The following TCOF1 variants were observed in gnomAD, a reference collection of about 807,000 sequenced individuals.
The protein encoded by TCOF1 is treacle ribosome biogenesis factor 1, also known as treacle protein.
TCOF1 carries 33 observed loss-of-function variants against 149.0 expected under a neutral mutation model. The ratio of observed to expected loss-of-function variants is 0.22; its 90% confidence interval spans 0.17 to 0.30. The LOEUF (loss-of-function observed/expected upper bound fraction) is 0.30. TCOF1 is among the 10% of genes least tolerant of loss of function. The pLI is 1.00. For synonymous variants in TCOF1, 789 were observed against 738.8 expected (o/e 1.07, Z -1.10); for missense variants, 1,728 against 1,840.7 (o/e 0.94, Z 1.12).
At chr5:150,378,715 T>G in intron 14 of TCOF1, 190 bp from the exon 15 acceptor site, 1 of 710,016 alleles carries the variant, frequency 1.4e-6, no homozygotes. Context: ...GTGGGCCTTA[T>G]TATTATCTCC....
Position 150,375,533 on chromosome 5 carries a change from C to T in TCOF1, c.1683C>T (p.Pro561=), listed in dbSNP as rs2150718246. Residue 561 remains proline, a synonymous_variant, in exon 11 of 27, where the codon CCC becomes CCT. Transcript: ENST00000643257. ...CAGACAGCAGTGATGGAGAGGTGCC[C>T]ACAGCTGTGGCCCCGGCTCAGGTGA... ...ESSDSSDGEV[P]TAVAPAQEKS... 1 of 1,614,056 alleles carries T rather than the reference C, an allele frequency of 6.2e-7. No individual in the cohort carries two copies. The highest frequency in any genetic ancestry group is 1.1e-5 in the South Asian group (1 of 91,068).
intron 15 of TCOF1, 39 bp from the exon 16 acceptor site, chr5:150,379,190 C>T: frequency 6.2e-7 from 1 of 1,614,082 alleles, no homozygotes; most frequent in Non-Finnish European, 8.5e-7. Flanking sequence ...TGAAAGGAAT[C>T]ACTTTTGCCT....
chr5:150,382,538 C>G (rs1203586045), intron 17 of TCOF1, among the ~76,000 whole-genome samples: 1 of 152,252 alleles, frequency 6.6e-6, no homozygotes, highest in East Asian at 1.9e-4. Context: ...GACCACTGAG[C>G]TGCCATCACC....
rs1468667173 is a variant in TCOF1, at chr5:150,397,970, T to C, written c.4346-384T>C. On this transcript the variant is annotated intron_variant, in intron 24 of 26. Coordinates refer to ENST00000643257, the MANE Select transcript of TCOF1 (RefSeq NM_001371623.1). ...CAGGGTCTTGCTCTGTCACCCAGGC[T>C]GGAGTTCAGTGTCAGGAACGCAGCT... 2.0e-5 allele frequency among the ~76,000 whole-genome samples: 3 copies of C among 152,180 alleles called. No individual in the cohort carries two copies. The East Asian group carries it at 5.8e-4, about 29-fold the overall frequency.
Position 150,374,692 on chromosome 5 carries a change from G to T in TCOF1, c.1159G>T (p.Ala387Ser), listed in dbSNP as rs1763315405. The T allele has an allele frequency of 6.2e-7, 1 of 1,612,724 alleles. No individual in the cohort carries two copies. Among genetic ancestry groups the T allele is most frequent in the South Asian group, 1.1e-5 (1 of 91,000 alleles). ...CAAGGAGTCCCCCAGGAAAGGAGCT[G>T]CCCCAGCGCCCCCTGGGAAGACAGG... ...PAKESPRKGA[A>S]PAPPGKTGPA... Residue 387 changes from alanine (A) to serine (S), a missense_variant, in exon 9 of 27, where the codon GCC (alanine) becomes TCC (serine). Transcript: ENST00000643257.
chr5:150,394,898 CAG>C (rs1177634146), intron 23 of TCOF1: 1 of 111,330 alleles, frequency 9.0e-6, no homozygotes, highest in African/African-American at 3.6e-5. Flanking sequence ...GCCTGGGCAA[CAG>C]AGCAAAACTC....
chr5:150,358,315 C>T (rs1377883615), intron 1 of TCOF1, among the ~76,000 whole-genome samples: 4 of 152,020 alleles, frequency 2.6e-5, no homozygotes, highest in Non-Finnish European at 5.9e-5. Flanking sequence ...GAACTCAGGC[C>T]TTTAGCGATT....
chr5:150,375,944 G>A lies in TCOF1; in HGVS notation c.1893+35G>A, dbSNP rs749652212. On this transcript the variant is annotated intron_variant, in intron 12 of 26. Coordinates refer to ENST00000643257, the MANE Select transcript of TCOF1 (RefSeq NM_001371623.1). ...GGGGAAGGAGGCTGCTACATGGCCT[G>A]ATCTGCCACACCACAGTCAGCACCC... The A allele has an allele frequency of 1.9e-6, 3 of 1,614,000 alleles. No individual in the cohort carries two copies. The South Asian group carries it at 3.3e-5, about 18-fold the overall frequency.
chr5:150,368,879 C>A lies in TCOF1; in HGVS notation c.542C>A (p.Ala181Asp). The A allele has an allele frequency of 6.2e-7, 1 of 1,613,836 alleles. No individual in the cohort carries two copies. The highest frequency in any genetic ancestry group is 1.1e-5 in the South Asian group (1 of 91,086). ...SETEEEGSVP[A>D]FGAAAKPGMV... is the part of the protein sequence containing the mutation. ...ACTGAGGAGGAGGGCAGCGTCCCGG[C>A]CTTTGGAGCTGCTGCCAAGCCTGGT... The change falls in exon 5 of 27, where the codon GCC becomes GAC. Residue 181 changes from alanine to aspartate, a missense_variant. By Grantham distance (126) the Ala-to-Asp change is moderately radical (BLOSUM62 -2). Coordinates refer to ENST00000643257, the MANE Select transcript of TCOF1 (RefSeq NM_001371623.1).
intron 1 of TCOF1, among the ~76,000 whole-genome samples, chr5:150,359,576 C>G (rs971245241): frequency 2.0e-5 from 3 of 152,122 alleles, no homozygotes; most frequent in African/African-American, 7.2e-5. Context: ...GCTCTCAGAA[C>G]CTCCTGGAGG....
At chr5:150,387,855 G>T in intron 17 of TCOF1, 47 bp from the exon 18 acceptor site, 1 of 1,612,538 alleles carries the variant, frequency 6.2e-7, no homozygotes, top group East Asian at 2.2e-5. Flanking sequence ...CCTTTCCCTG[G>T]CCAAGCCTTT....
rs532465195 is a variant in TCOF1 at position 150,389,893 on chromosome 5, G to T, written c.3053G>T (p.Arg1018Ile). The stretch of plus-strand genomic sequence containing the variant: ...CCATCTCGCTCCATTTCAGGCATCA[G>T]AACCAATGTGGTGACCATGCCCACT... ...PATQCLTPGIRTNVVTMPTAH... is the reference protein window; with the variant it reads ...PATQCLTPGIITNVVTMPTAH... Residue 1018 changes from arginine to isoleucine, a missense_variant, in exon 19 of 27, where the codon AGA (arginine) becomes ATA (isoleucine). By Grantham distance (97) the Arg-to-Ile change is moderately conservative. Around this residue, in one of 2 missense-constraint regions of TCOF1, gnomAD observed 1,696 missense variants for 1,765.4 expected, o/e 0.96. Transcript: ENST00000643257. 21 of 1,614,218 alleles carry T rather than the reference G, an allele frequency of 1.3e-5. No homozygotes were observed. In the East Asian group the frequency reaches 4.5e-4, roughly 34 times the overall value.
At chr5:150,385,429 A>G (rs780946275) in intron 17 of TCOF1, among the ~76,000 whole-genome samples, 7 of 152,046 alleles carry the variant, frequency 4.6e-5, no homozygotes, top group Admixed American at 1.3e-4. Flanking sequence ...ATTCATCTCA[A>G]TCTCTGGGAT....
intron 24 of TCOF1, among the ~76,000 whole-genome samples, 191 bp downstream of exon 24, chr5:150,397,033 C>T (rs1431838999): frequency 1.3e-5 from 2 of 151,428 alleles, no homozygotes; most frequent in Non-Finnish European, 2.9e-5. Context: ...GTGGCGGGCA[C>T]CTGTAATCTC....
chr5:150,398,516 C>A, intron 25 of TCOF1, 65 bp downstream of exon 25: 1 of 1,609,820 alleles, frequency 6.2e-7, no homozygotes, highest in Non-Finnish European at 8.5e-7. Flanking sequence ...CTCCTACACA[C>A]CCAGACCTGG....
intron 17 of TCOF1, chr5:150,384,785 TTTTAGTTCC>T (rs1266926453): frequency 2.2e-5 from 22 of 985,480 alleles, no homozygotes; most frequent in Non-Finnish European, 2.7e-5. Context: ...ATTGAGAGAT[TTTTAGTTCC>T]TAATCCCCAG....
rs1204963937 is a variant in TCOF1, at chr5:150,367,761, T to G, written c.305-83T>G. ...ACCAGGCAGCCAATACCAATAGAATTGTTAGGTGAGATGAAACCTGTTTGC... is the reference window on the plus strand; with the variant it reads ...ACCAGGCAGCCAATACCAATAGAATGGTTAGGTGAGATGAAACCTGTTTGC... On this transcript the variant is annotated intron_variant, in intron 3 of 26. Coordinates refer to ENST00000643257, the MANE Select transcript of TCOF1 (RefSeq NM_001371623.1). 3 of 1,508,250 alleles carry G rather than the reference T, an allele frequency of 2.0e-6. No homozygotes were observed. In the African/African-American group the frequency reaches 4.1e-5, roughly 21 times the overall value. The allele number at this position is 1,508,250 out of a possible 1,614,324, so 93.4% of individuals were successfully genotyped here. A position where few individuals can be genotyped will look rare whatever the true frequency, so the allele number is the denominator to read the frequency against.
chr5:150,376,045 A>G, intron 12 of TCOF1, 37 bp from the exon 13 acceptor site: 1 of 1,613,410 alleles, frequency 6.2e-7, no homozygotes, highest in Non-Finnish European at 8.5e-7. Flanking sequence ...CTCTGAGTTC[A>G]GGAACCTTCT....
At chr5:150,392,856 T>C in intron 22 of TCOF1, 66 bp downstream of exon 22, 1 of 1,562,122 alleles carries the variant, frequency 6.4e-7, no homozygotes, top group East Asian at 2.3e-5. Flanking sequence ...CAGGCTCCTG[T>C]CTACCCGATC....
Sources: allele counts gnomAD v4.1 joint callset (sites outside exome capture counted in the v4.1 genomes callset), GRCh38; gene constraint gnomAD v4.1.1; regional missense constraint gnomAD v4.1.1; transcripts MANE v1.5; gene names NCBI Gene and HGNC (gene_info 2026-07-23, HGNC 2026-07-21).